The following ATP13A5 variants were observed in gnomAD, a reference collection of about 807,000 sequenced individuals.
The protein encoded by ATP13A5 is probable cation-transporting ATPase 13A5.
In ATP13A5, 149 loss-of-function variants were observed where a neutral mutation model predicts 150.2. The observed-to-expected ratio is 0.99, with a 90% CI of 0.87 to 1.14. The LOEUF is 1.14. ATP13A5 is among the 50% of genes most tolerant of loss of function. The pLI is 0.00. For synonymous variants in ATP13A5, 497 were observed against 522.2 expected (o/e 0.95, Z 0.66); for missense variants, 1,383 against 1,449.3 (o/e 0.95, Z 0.74).
At chr3:193,300,046 A>G (rs560128065) in intron 24 of ATP13A5, among the ~76,000 whole-genome samples, 89 of 152,230 alleles carry the variant, frequency 5.8e-4, no homozygotes, top group African/African-American at 2.0e-3. Flanking sequence ...AGAGTGGACT[A>G]TGGTTTCTAC....
At position 193,362,562 on chromosome 3, in the gene ATP13A5, C is replaced by T; in HGVS notation, c.455+5G>A. On this transcript the variant is annotated splice_donor_5th_base_variant and intron_variant, in intron 4 of 29. Transcript: ENST00000342358. ...GACCAAGGGGTGACAAAACATTGTA[C>T]TTACCCAACTTTCTGAAACCGCTTC... 2 of 1,613,912 alleles carry T rather than the reference C, an allele frequency of 1.2e-6. No individual in the cohort carries two copies. The highest frequency in any genetic ancestry group is 1.1e-5 in the South Asian group (1 of 91,080).
intron 7 of ATP13A5, among the ~76,000 whole-genome samples, chr3:193,348,303 T>G (rs1377064933): frequency 6.6e-6 from 1 of 152,178 alleles, no homozygotes; most frequent in Non-Finnish European, 1.5e-5. Context: ...CAGCATCTGT[T>G]GCTACGTGCC....
At chr3:193,308,805 A>G (rs1718720788) in intron 21 of ATP13A5, among the ~76,000 whole-genome samples, 1 of 152,174 alleles carries the variant, frequency 6.6e-6, no homozygotes, top group African/African-American at 2.4e-5. Context: ...ATGGCTTTTC[A>G]AAGTTAGGCA....
intron 23 of ATP13A5, 149 bp from the exon 24 acceptor site, chr3:193,301,456 C>A: frequency 1.6e-6 from 1 of 618,356 alleles, no homozygotes; most frequent in Non-Finnish European, 2.8e-6. Flanking sequence ...TTTAACCACT[C>A]ATTCATTCAT....
chr3:193,359,787 A>C (rs2108898450), intron 5 of ATP13A5, among the ~76,000 whole-genome samples: 1 of 149,208 alleles, frequency 6.7e-6, no homozygotes, highest in East Asian at 1.9e-4. Flanking sequence ...ACTTAACCTC[A>C]AGTGTGTGTG....
chr3:193,331,254 G>C lies in ATP13A5; in HGVS notation c.1330C>G (p.Pro444Ala). The change falls in exon 12 of 30, where the codon CCA (proline) becomes GCA (alanine). Residue 444 changes from proline to alanine, a missense_variant. Around this residue, in one of 3 missense-constraint regions of ATP13A5, gnomAD observed 787 missense variants for 771.9 expected, o/e 1.02. Transcript: ENST00000342358. ...ALILLTVTVP[P>A]VLPAALTIGN... ...ATGGTCAGGGCAGCTGGCAGCACTG[G>C]AGGGACAGTCACGGTGAGGAGGATC... 6.2e-7 allele frequency: 1 copy of C among 1,614,072 alleles called. No individual in the cohort carries two copies.
chr3:193,366,423 G>T (rs995454571), intron 1 of ATP13A5, among the ~76,000 whole-genome samples: 13 of 152,008 alleles, frequency 8.6e-5, no homozygotes, highest in African/African-American at 2.9e-4. Context: ...TGGGCAAACA[G>T]TGGAAGAAAG....
At chr3:193,338,770 C>T (rs1396239555) in intron 9 of ATP13A5, among the ~76,000 whole-genome samples, 2 of 152,042 alleles carry the variant, frequency 1.3e-5, no homozygotes, top group Non-Finnish European at 2.9e-5. Context: ...GGGAGGATTC[C>T]CTCTTTTTCT....
chr3:193,281,413 A>C (rs1021769575), intron 27 of ATP13A5, among the ~76,000 whole-genome samples: 1 of 152,232 alleles, frequency 6.6e-6, no homozygotes, highest in Non-Finnish European at 1.5e-5. Flanking sequence ...GATGTAATAA[A>C]GATTTGAATG....
At chr3:193,289,829 T>G in intron 26 of ATP13A5, 56 bp downstream of exon 26, 2 of 1,485,274 alleles carry the variant, frequency 1.3e-6, no homozygotes, top group South Asian at 2.7e-5. Context: ...TTATGCAATG[T>G]CATTGGATAT....
intron 23 of ATP13A5, 136 bp downstream of exon 23, chr3:193,305,423 T>TCATTGGTGC: frequency 1.3e-6 from 1 of 750,600 alleles, no homozygotes; most frequent in Non-Finnish European, 2.3e-6. Context: ...ATGGCCCCCT[T>TCATTGGTGC]CATTGGTTCT....
chr3:193,336,422 G>A (rs1011143132), intron 9 of ATP13A5, among the ~76,000 whole-genome samples: 4 of 152,054 alleles, frequency 2.6e-5, no homozygotes, highest in African/African-American at 9.7e-5. Flanking sequence ...GGTGTGTGAT[G>A]TTCCCCTTCC....
At chr3:193,310,174 CTGTG>C (rs1718787955) in intron 21 of ATP13A5, among the ~76,000 whole-genome samples, 1 of 152,182 alleles carries the variant, frequency 6.6e-6, no homozygotes, top group African/African-American at 2.4e-5. Context: ...CCATTTCCAT[CTGTG>C]TTCCTGCAGA....
chr3:193,321,951 T>C, intron 15 of ATP13A5, 114 bp from the exon 16 acceptor site: 4 of 1,196,396 alleles, frequency 3.3e-6, no homozygotes, highest in Non-Finnish European at 4.6e-6. Context: ...TGATGTAGTA[T>C]ATTTGTCACA....
At chr3:193,359,596 C>A (rs189226660) in intron 5 of ATP13A5, among the ~76,000 whole-genome samples, 1 of 152,320 alleles carries the variant, frequency 6.6e-6, no homozygotes, top group Admixed American at 6.5e-5. Flanking sequence ...TTAAATTTGG[C>A]CTTGCAGAAT....
chr3:193,290,791 C>T (rs538905000), intron 25 of ATP13A5, among the ~76,000 whole-genome samples: 19 of 152,284 alleles, frequency 1.2e-4, no homozygotes, highest in African/African-American at 4.1e-4. Flanking sequence ...AAGACGACTA[C>T]ATCCTTAGTA....
At chr3:193,349,488 C>A (rs1373565757) in intron 7 of ATP13A5, among the ~76,000 whole-genome samples, 1 of 62,652 alleles carries the variant, frequency 1.6e-5, no homozygotes, top group East Asian at 5.1e-4. Context: ...TAAAGGAAAG[C>A]AGAAATATAT....
Position 193,310,675 on chromosome 3 carries a change from G to T in ATP13A5, c.2488C>A (p.Gln830Lys), listed in dbSNP as rs1718808350. 6.2e-7 allele frequency: 1 copy of T among 1,609,448 alleles called. No homozygotes were observed. Among genetic ancestry groups the T allele is most frequent in the African/African-American group, 1.3e-5 (1 of 74,764 alleles). ...GTVFARMSPG[Q>K]KSSLIEEFQK... Reference sequence around the variant, plus strand: ...AATTCTTCAATAAGGCTTGATTTCTGCCCAGGAGACATTCTTGCAAAAACT... The same window carrying T: ...AATTCTTCAATAAGGCTTGATTTCTTCCCAGGAGACATTCTTGCAAAAACT... The change falls in exon 21 of 30, where the codon CAG (glutamine) becomes AAG (lysine). Residue 830 changes from glutamine to lysine, a missense_variant. Physicochemically the swap from Gln to Lys is moderately conservative, Grantham distance 53 (BLOSUM62 1). Coordinates refer to ENST00000342358, the MANE Select transcript of ATP13A5 (RefSeq NM_198505.4).
chr3:193,298,387 C>T (rs1718258027), intron 25 of ATP13A5, among the ~76,000 whole-genome samples: 1 of 152,084 alleles, frequency 6.6e-6, no homozygotes, highest in Non-Finnish European at 1.5e-5. Flanking sequence ...AGCTCTGATA[C>T]TGATAAATTC....
Sources: allele counts gnomAD v4.1 joint callset (sites outside exome capture counted in the v4.1 genomes callset), GRCh38; gene constraint gnomAD v4.1.1; regional missense constraint gnomAD v4.1.1; transcripts MANE v1.5; gene names NCBI Gene and HGNC (gene_info 2026-07-23, HGNC 2026-07-21).